Variants in CNTNAP5 observed in about 807,000 individuals in gnomAD.
CNTNAP5 encodes contactin-associated protein-like 5.
A neutral mutation model predicts 150.2 loss-of-function variants in CNTNAP5; 72 were observed. The observed-to-expected ratio is 0.48, with a 90% CI of 0.40 to 0.58. The LOEUF (loss-of-function observed/expected upper bound fraction) is 0.58. CNTNAP5 is among the 20% of genes least tolerant of loss of function. The pLI is 0.00. For synonymous variants in CNTNAP5, 672 were observed against 619.8 expected (o/e 1.08, Z -1.25); for missense variants, 1,636 against 1,626.2 (o/e 1.01, Z -0.10).
intron 16 of CNTNAP5, among the ~76,000 whole-genome samples, chr2:124,771,719 CACCACCATCACCACCACCGTT>C (rs1017733571): frequency 1.2e-5 from 1 of 84,320 alleles, no homozygotes; most frequent in African/African-American, 4.3e-5. Flanking sequence ...TCACCTTCAT[CACCACCATCACCACCACCGTT>C]ACCACCATCA....
intron 19 of CNTNAP5, among the ~76,000 whole-genome samples, chr2:124,808,796 C>G (rs1287726290): frequency 6.6e-6 from 1 of 152,016 alleles, no homozygotes; most frequent in Non-Finnish European, 1.5e-5. Context: ...TATGCAAGTT[C>G]TTTTTCACTT....
chr2:124,634,702 C>T (rs899683616), intron 12 of CNTNAP5, among the ~76,000 whole-genome samples: 2 of 152,114 alleles, frequency 1.3e-5, no homozygotes, highest in East Asian at 3.9e-4. Context: ...TGGAGTTTCA[C>T]CATGTTGCTC....
chr2:124,747,268 A>G lies in CNTNAP5; in HGVS notation c.2117A>G (p.Glu706Gly). ...ACCTGGTGGATTGGGCGGTCCAATG[A>G]AAGGCACCCTTACTGGGGAGGTTCC... The part of the protein sequence containing the change: ...PFTWWIGRSN[E>G]RHPYWGGSPP... The change falls in exon 14 of 24, where the codon GAA becomes GGA. Residue 706 changes from glutamate to glycine, a missense_variant. Coordinates refer to ENST00000682447, the MANE Select transcript of CNTNAP5 (RefSeq NM_001367498.1). 1.3e-5 allele frequency: 21 copies of G among 1,613,714 alleles called. No homozygotes were observed. The highest frequency in any genetic ancestry group is 1.8e-5 in the Non-Finnish European group (21 of 1,179,748).
intron 1 of CNTNAP5, among the ~76,000 whole-genome samples, chr2:124,029,357 C>G (rs1413495364): frequency 6.6e-6 from 1 of 151,982 alleles, no homozygotes; most frequent in South Asian, 2.1e-4. Context: ...ACAGTCACCA[C>G]AAGTAAAGGA....
At chr2:124,824,328 A>C (rs968096824) in intron 19 of CNTNAP5, among the ~76,000 whole-genome samples, 2 of 152,174 alleles carry the variant, frequency 1.3e-5, no homozygotes. Context: ...CTAACATGTC[A>C]GAACCAGTTT....
intron 3 of CNTNAP5, among the ~76,000 whole-genome samples, chr2:124,348,775 G>T (rs1689800795): frequency 6.6e-6 from 1 of 151,866 alleles, no homozygotes; most frequent in Non-Finnish European, 1.5e-5. Flanking sequence ...TATATTTTAT[G>T]TCTCCCCAAA....
At chr2:124,638,941 T>G (rs1487917221) in intron 12 of CNTNAP5, among the ~76,000 whole-genome samples, 2 of 152,192 alleles carry the variant, frequency 1.3e-5, no homozygotes. Context: ...TGTATTTAAT[T>G]TTTTTCCAAT....
intron 3 of CNTNAP5, among the ~76,000 whole-genome samples, chr2:124,370,033 A>C (rs1214965598): frequency 6.6e-6 from 1 of 152,186 alleles, no homozygotes; most frequent in Non-Finnish European, 1.5e-5. Context: ...TTACATAATC[A>C]CTACTGTATC....
chr2:124,262,965 C>T (rs928524693), intron 3 of CNTNAP5, among the ~76,000 whole-genome samples: 2 of 152,056 alleles, frequency 1.3e-5, no homozygotes, highest in African/African-American at 4.8e-5. Flanking sequence ...CATGTCCCTA[C>T]AAAGGACATG....
chr2:124,507,680 G>T (rs1254565387), intron 8 of CNTNAP5, among the ~76,000 whole-genome samples: 1 of 152,096 alleles, frequency 6.6e-6, no homozygotes, highest in Admixed American at 6.6e-5. Context: ...TCCATACAAG[G>T]GAGAGCCTTA....
chr2:124,044,757 T>C (rs2104635515), intron 1 of CNTNAP5, among the ~76,000 whole-genome samples: 1 of 152,232 alleles, frequency 6.6e-6, no homozygotes, highest in Middle Eastern at 3.4e-3. Context: ...GTCATGATGG[T>C]GGATGCTGTG....
chr2:124,163,577 T>C (rs1365200449), intron 1 of CNTNAP5, among the ~76,000 whole-genome samples: 1 of 152,070 alleles, frequency 6.6e-6, no homozygotes, highest in Non-Finnish European at 1.5e-5. Flanking sequence ...GCTAACTACC[T>C]TCCTCCCCTA....
At chr2:124,213,489 T>G (rs1414572812) in intron 1 of CNTNAP5, among the ~76,000 whole-genome samples, 2 of 152,180 alleles carry the variant, frequency 1.3e-5, no homozygotes, top group Non-Finnish European at 2.9e-5. Context: ...AAAGAAGTAT[T>G]GACTAATTTA....
chr2:124,768,267 ATGTATGTG>A (rs1681109377), intron 16 of CNTNAP5, among the ~76,000 whole-genome samples: 1 of 90,738 alleles, frequency 1.1e-5, no homozygotes, highest in Non-Finnish European at 2.3e-5. Flanking sequence ...TATATACTGT[ATGTATGTG>A]TGTGTGTGTG....
intron 3 of CNTNAP5, among the ~76,000 whole-genome samples, chr2:124,313,606 G>GA (rs892453876): frequency 3.3e-5 from 5 of 151,924 alleles, no homozygotes; most frequent in Admixed American, 6.6e-5. Context: ...AACAAGAAAG[G>GA]AAAAAAAATC....
chr2:124,651,753 C>A (rs7582031), intron 13 of CNTNAP5, among the ~76,000 whole-genome samples: 47 of 152,326 alleles, frequency 3.1e-4, no homozygotes, highest in African/African-American at 1.1e-3. Flanking sequence ...GCGCACCAAG[C>A]ACTGTCTCTG....
At chr2:124,539,088 C>G (rs907628346) in intron 10 of CNTNAP5, among the ~76,000 whole-genome samples, 1 of 152,136 alleles carries the variant, frequency 6.6e-6, no homozygotes, top group Non-Finnish European at 1.5e-5. Flanking sequence ...ATTATAAGCA[C>G]CATTTATAGA....
At position 124,356,464 on chromosome 2, in the gene CNTNAP5, C is replaced by A. The variant is rs202155277; in HGVS notation, c.382-60979C>A. Among the ~76,000 whole-genome samples the A allele has an allele frequency of 3.3e-5, 4 of 120,370 alleles. No homozygotes were observed. In the Admixed American group the frequency reaches 3.7e-4, roughly 11 times the overall value. 79.0% of individuals were successfully genotyped at this position (120,370 alleles called of 152,430 possible). A position where few individuals can be genotyped will look rare whatever the true frequency, so the allele number is the denominator to read the frequency against. ...CAATGCTATCCCTCCCCCCTCCCCC[C>A]ACCCCACCACAGTCCCCAGAGTGTG... On this transcript the variant is annotated intron_variant, in intron 3 of 23. Coordinates refer to ENST00000682447, the MANE Select transcript of CNTNAP5 (RefSeq NM_001367498.1).
intron 3 of CNTNAP5, among the ~76,000 whole-genome samples, chr2:124,261,564 C>T (rs1011030508): frequency 1.3e-5 from 2 of 152,180 alleles, no homozygotes; most frequent in Non-Finnish European, 2.9e-5. Flanking sequence ...AAGCACAAAT[C>T]TGCCTCATTA....
Sources: gnomAD v4.1 joint callset for allele counts (sites outside exome capture counted in the v4.1 genomes callset) on GRCh38, gnomAD v4.1.1 for gene constraint, MANE v1.5 for transcripts, NCBI Gene and HGNC (gene_info 2026-07-23, HGNC 2026-07-21) for gene names.